Variants in DRC4 observed in about 807,000 individuals in gnomAD.
DRC4 encodes the protein dynein regulatory complex subunit 4, also known as GAS-11.
At chr16:90,043,595 G>GTC in the DRC4 span, 1 of 608,426 alleles carries the variant, frequency 1.6e-6, no homozygotes, top group Admixed American at 2.2e-5. Flanking sequence ...CTACTCCCTG[G>GTC]TCTCACCTCC....
the DRC4 span, chr16:90,028,019 C>G: frequency 1.1e-5 from 4 of 379,872 alleles, no homozygotes; most frequent in South Asian, 1.6e-4. Context: ...TTCAATCTTA[C>G]CCTTTTTTTG....
chr16:90,019,641 G>T, the DRC4 span: 1 of 420,654 alleles, frequency 2.4e-6, no homozygotes, highest in South Asian at 6.2e-5. This position sits in a 1 kb window ranked among gnomAD's most constrained non-coding sequence, Gnocchi z 6.1. Flanking sequence ...CCCTTCCCTC[G>T]CGGGCCGCGC....
chr16:90,035,690 C>T, the DRC4 span: 5 of 1,614,056 alleles, frequency 3.1e-6, no homozygotes, highest in Admixed American at 1.7e-5. Flanking sequence ...AGTTCGAGGT[C>T]AGTTTCCCGT....
chr16:90,029,043 A>T, the DRC4 span: 3 of 1,242,032 alleles, frequency 2.4e-6, no homozygotes, highest in Non-Finnish European at 3.1e-6. Flanking sequence ...AATGGATTGA[A>T]CACTGCGTTG....
At chr16:90,031,238 GC>G in the DRC4 span, 3 of 1,603,630 alleles carry the variant, frequency 1.9e-6, no homozygotes, top group Non-Finnish European at 2.5e-6. Flanking sequence ...CCGGCCACAC[GC>G]CCCGTTGCCG....
chr16:90,022,057 G>A, the DRC4 span: 3 of 152,218 alleles, frequency 2.0e-5, no homozygotes, highest in Non-Finnish European at 4.4e-5. Context: ...GGCCTGTCGG[G>A]AAGCCTCTGG....
the DRC4 span, among the ~76,000 whole-genome samples, chr16:90,041,833 C>G: frequency 6.6e-6 from 1 of 152,244 alleles, no homozygotes; most frequent in East Asian, 1.9e-4. Flanking sequence ...TCACAAGCCT[C>G]AAGAAATTTA....
the DRC4 span, chr16:90,042,373 G>T: frequency 1.1e-6 from 1 of 942,004 alleles, no homozygotes; most frequent in Non-Finnish European, 1.7e-6. Flanking sequence ...GCTGCTATTC[G>T]CTGGATCTCT....
chr16:90,037,652 G>C, the DRC4 span: 5 of 1,137,632 alleles, frequency 4.4e-6, no homozygotes, highest in African/African-American at 3.0e-5. Flanking sequence ...CCTGGAACCA[G>C]GTCTTTCTGG....
At chr16:90,043,377 C>G in the DRC4 span, 6 of 1,591,964 alleles carry the variant, frequency 3.8e-6, no homozygotes, top group East Asian at 4.5e-5. Flanking sequence ...GCCCAGAGAA[C>G]CAGCCTAGGA....
chr16:90,038,564 G>C, the DRC4 span, among the ~76,000 whole-genome samples: 3 of 152,212 alleles, frequency 2.0e-5, no homozygotes, highest in African/African-American at 7.2e-5. Flanking sequence ...AGGAAAGCCA[G>C]TTCCTAGCAG....
the DRC4 span, among the ~76,000 whole-genome samples, chr16:90,038,369 C>T: frequency 1.3e-5 from 2 of 152,206 alleles, no homozygotes; most frequent in African/African-American, 4.8e-5. Flanking sequence ...GCTTTTTAAT[C>T]TCACAGTGTA....
chr16:90,033,819 C>G, the DRC4 span, among the ~76,000 whole-genome samples: 1 of 151,776 alleles, frequency 6.6e-6, no homozygotes, highest in Non-Finnish European at 1.5e-5. Context: ...AACAGAGTAT[C>G]TGGTGGGGAA....
At chr16:90,032,884 A>C in the DRC4 span, 1 of 1,613,894 alleles carries the variant, frequency 6.2e-7, no homozygotes, top group Non-Finnish European at 8.5e-7. Context: ...CTCAAGGAGC[A>C]GGAGCTGGCC....
chr16:90,032,994 C>T, the DRC4 span: 1 of 1,303,994 alleles, frequency 7.7e-7, no homozygotes, highest in Non-Finnish European at 1.1e-6. Flanking sequence ...GCATGAACTC[C>T]TGTTTATTCA....
chr16:90,043,348 G>C, the DRC4 span: 2 of 1,603,358 alleles, frequency 1.2e-6, no homozygotes, highest in Non-Finnish European at 1.7e-6. Flanking sequence ...CGACGTAGCT[G>C]CCCCCCTGGG....
At chr16:90,044,395 A>C in the DRC4 span, 1 of 433,096 alleles carries the variant, frequency 2.3e-6, no homozygotes, top group South Asian at 1.7e-5. Context: ...GCCACCGCCC[A>C]GGACCAGTCT....
At chr16:90,029,397 A>AT in the DRC4 span, 1 of 1,043,666 alleles carries the variant, frequency 9.6e-7, no homozygotes, top group Non-Finnish European at 1.3e-6. Context: ...TTTTTTTCTG[A>AT]TTTTCCAAGA....
chr16:90,036,152 C>A, the DRC4 span: 1 of 584,280 alleles, frequency 1.7e-6, no homozygotes, highest in Non-Finnish European at 3.0e-6. Context: ...GAGCGATTAG[C>A]AATGCCTGTC....
Sources: allele counts gnomAD v4.1 joint callset (sites outside exome capture counted in the v4.1 genomes callset), GRCh38; gene constraint gnomAD v4.1.1; non-coding constraint Gnocchi (gnomAD v3.1); transcripts MANE v1.5; gene names NCBI Gene and HGNC (gene_info 2026-07-23, HGNC 2026-07-21).